MGAT5: variants seen among roughly 807,000 people sequenced by gnomAD.
The protein encoded by MGAT5 is alpha-1,6-mannosylglycoprotein 6-beta-N-acetylglucosaminyltransferase A.
Under a neutral mutation model 94.3 loss-of-function variants are expected in MGAT5, and 30 were observed. The observed-to-expected ratio is 0.32, with a 90% confidence interval of 0.24 to 0.43. MGAT5 has a LOEUF of 0.43. MGAT5 is among the 20% of genes least tolerant of loss of function. The pLI is 1.00. For synonymous variants in MGAT5, 310 were observed against 322.9 expected, an observed-to-expected ratio of 0.96 and a Z score of 0.43; for missense variants, 691 against 905.5, an observed-to-expected ratio of 0.76 and a Z score of 3.04.
At chr2:134,243,689 G>C (rs1212157764) in intron 1 of MGAT5, among the ~76,000 whole-genome samples, 1 of 152,198 alleles carries the variant, frequency 6.6e-6, no homozygotes, top group African/African-American at 2.4e-5. Flanking sequence ...TTCAGATTGT[G>C]CATGTGTGTG....
intron 1 of MGAT5, among the ~76,000 whole-genome samples, chr2:134,204,773 G>A (rs1327596042): frequency 6.6e-6 from 1 of 152,194 alleles, no homozygotes; most frequent in African/African-American, 2.4e-5. Context: ...TCTCTCTGGG[G>A]ATACTATGGG....
At chr2:134,194,956 C>T (rs1401185439) in intron 1 of MGAT5, among the ~76,000 whole-genome samples, 1 of 152,190 alleles carries the variant, frequency 6.6e-6, no homozygotes, top group Non-Finnish European at 1.5e-5. Flanking sequence ...AATATCTAGT[C>T]TTTTCTCTGT....
intron 1 of MGAT5, among the ~76,000 whole-genome samples, chr2:134,218,248 T>C (rs1043472781): frequency 6.6e-6 from 1 of 152,224 alleles, no homozygotes; most frequent in Non-Finnish European, 1.5e-5. Context: ...TGGTTCTCAG[T>C]CTGACACAGA....
At chr2:134,145,214 C>CTCTCTGTG (rs373377770) in intron 1 of MGAT5, among the ~76,000 whole-genome samples, 5,701 of 143,796 alleles carry the variant, frequency 0.04, 186 homozygotes, top group African/African-American at 0.087. Flanking sequence ...GTCTCTCTCT[C>CTCTCTGTG]TGTGTGTGTG....
chr2:134,358,807 C>A (rs1442381755), intron 9 of MGAT5, among the ~76,000 whole-genome samples: 1 of 152,178 alleles, frequency 6.6e-6, no homozygotes. Context: ...TATTAAGTAG[C>A]TGGTAAGCTC....
chr2:134,360,726 G>C (rs186159991), intron 9 of MGAT5, among the ~76,000 whole-genome samples: 2 of 152,184 alleles, frequency 1.3e-5, no homozygotes, highest in Admixed American at 1.3e-4. Flanking sequence ...CTTCTCAAAA[G>C]GGGGGAGAAA....
At chr2:134,213,579 C>T (rs1469470895) in intron 1 of MGAT5, among the ~76,000 whole-genome samples, 1 of 152,188 alleles carries the variant, frequency 6.6e-6, no homozygotes. Context: ...ACACCAGTCA[C>T]AAGTCCCATG....
intron 1 of MGAT5, among the ~76,000 whole-genome samples, chr2:134,149,651 C>G (rs1432972651): frequency 6.6e-6 from 1 of 152,248 alleles, no homozygotes; most frequent in African/African-American, 2.4e-5. Context: ...CATTTCATCT[C>G]AATTGCGAAA....
At chr2:134,310,243 A>C (rs539281614) in intron 2 of MGAT5, among the ~76,000 whole-genome samples, 1 of 152,208 alleles carries the variant, frequency 6.6e-6, no homozygotes, top group Non-Finnish European at 1.5e-5. Flanking sequence ...CATGCAGAAC[A>C]TGAAGATGAT....
intron 4 of MGAT5, among the ~76,000 whole-genome samples, chr2:134,328,992 C>T (rs1047297408): frequency 6.6e-6 from 1 of 151,916 alleles, no homozygotes; most frequent in Non-Finnish European, 1.5e-5. Flanking sequence ...TACATTACAG[C>T]CAATGAAGTT....
intron 4 of MGAT5, among the ~76,000 whole-genome samples, chr2:134,322,251 C>G (rs1184525054): frequency 2.6e-5 from 4 of 152,144 alleles, no homozygotes; most frequent in Admixed American, 6.5e-5. Context: ...TATGTGGGAA[C>G]ATTGTTCCAT....
At chr2:134,256,793 C>G (rs1405392530) in intron 1 of MGAT5, among the ~76,000 whole-genome samples, 1 of 152,162 alleles carries the variant, frequency 6.6e-6, no homozygotes, top group Non-Finnish European at 1.5e-5. Flanking sequence ...TCAAAAACAA[C>G]AAAGAAACAA....
chr2:134,227,874 G>A lies in MGAT5; in HGVS notation c.-142-26388G>A, dbSNP rs1681147308. Among the ~76,000 whole-genome samples, 3 of 152,160 alleles carry A rather than the reference G, an allele frequency of 2.0e-5. No individual in the cohort carries two copies. The South Asian group carries it at 6.2e-4, about 32-fold the overall frequency. On this transcript the variant is annotated intron_variant, in intron 1 of 16. Transcript: ENST00000409645. ...CAATAGCTCTGGGGCAGAACAGGTG[G>A]AATGAGCCACATTATTTTACCTAGA...
At chr2:134,273,506 G>C (rs1305744369) in intron 2 of MGAT5, among the ~76,000 whole-genome samples, 1 of 152,116 alleles carries the variant, frequency 6.6e-6, no homozygotes. Flanking sequence ...ATTGCTTATT[G>C]TTGTGTCTTA....
chr2:134,349,667 C>G, intron 8 of MGAT5, 138 bp from the exon 9 acceptor site: 1 of 929,036 alleles, frequency 1.1e-6, no homozygotes, highest in African/African-American at 1.6e-5. Context: ...TGTAAAACAT[C>G]ACAATTCTTG....
rs1686423166 is a variant in MGAT5, at chr2:134,136,620, C to T, written c.-143+16329C>T. On this transcript the variant is annotated intron_variant, in intron 1 of 16. Transcript: ENST00000409645. ...ATAAATATAAAAAATATTTTGGTAA[C>T]AGTATTTCAATATCATTGATTTCCT... Among the ~76,000 whole-genome samples, 5 of 152,158 alleles carry T rather than the reference C, an allele frequency of 3.3e-5. No individual in the cohort carries two copies. The South Asian group carries it at 6.2e-4, about 19-fold the overall frequency.
intron 12 of MGAT5, among the ~76,000 whole-genome samples, chr2:134,416,291 T>C (rs1683960086): frequency 6.6e-6 from 1 of 152,086 alleles, no homozygotes; most frequent in Non-Finnish European, 1.5e-5. Context: ...AACTCCCCAT[T>C]CTCCCCACTT....
chr2:134,278,688 A>C (rs1684522719), intron 2 of MGAT5, among the ~76,000 whole-genome samples: 1 of 152,158 alleles, frequency 6.6e-6, no homozygotes, highest in Non-Finnish European at 1.5e-5. Flanking sequence ...CAGGACTGCT[A>C]AATTTCTGCC....
chr2:134,286,069 C>G (rs1191998356), intron 2 of MGAT5, among the ~76,000 whole-genome samples: 1 of 152,190 alleles, frequency 6.6e-6, no homozygotes, highest in Non-Finnish European at 1.5e-5. Flanking sequence ...TAATTATCTT[C>G]TGTGTGCCAA....
Sources: allele counts gnomAD v4.1 joint callset (sites outside exome capture counted in the v4.1 genomes callset), GRCh38; gene constraint gnomAD v4.1.1; transcripts MANE v1.5; gene names NCBI Gene and HGNC (gene_info 2026-07-23, HGNC 2026-07-21).